SNX25: variants seen among roughly 807,000 people sequenced by gnomAD.
SNX25 encodes sorting nexin-25.
A neutral mutation model predicts 113.7 loss-of-function variants in SNX25; 62 were observed. The observed-to-expected ratio is 0.55, with a 90% CI of 0.44 to 0.67. The LOEUF (loss-of-function observed/expected upper bound fraction) is 0.67. Among genes scored for constraint, SNX25 ranks in the 30% least tolerant of loss-of-function variants. The pLI, the probability that SNX25 is intolerant of heterozygous loss-of-function variation, is 0.00. For synonymous variants in SNX25, 421 were observed against 436.2 expected, an observed-to-expected ratio of 0.97 and a Z score of 0.43; for missense variants, 1,014 against 1,161.0, an observed-to-expected ratio of 0.87 and a Z score of 1.84.
chr4:185,302,421 C>CT (rs562504213), intron 6 of SNX25, among the ~76,000 whole-genome samples: 64 of 152,260 alleles, frequency 4.2e-4, no homozygotes, highest in African/African-American at 1.5e-3. Flanking sequence ...CCTGTGGGAT[C>CT]TGGCACTGTC....
intron 3 of SNX25, among the ~76,000 whole-genome samples, chr4:185,259,607 C>T (rs576170461): frequency 1.1e-4 from 16 of 152,016 alleles, no homozygotes; most frequent in Non-Finnish European, 2.2e-4. Context: ...GACAGTTGTA[C>T]ATATTGGAGC....
chr4:185,242,309 G>T (rs73873409), intron 1 of SNX25, among the ~76,000 whole-genome samples: 6,552 of 151,968 alleles, frequency 0.043, 248 homozygotes, highest in African/African-American at 0.096. Flanking sequence ...TTCCAGCATC[G>T]TCTACCTGGA....
At chr4:185,322,029 T>C (rs1297146301) in intron 8 of SNX25, among the ~76,000 whole-genome samples, 2 of 152,190 alleles carry the variant, frequency 1.3e-5, no homozygotes, top group African/African-American at 4.8e-5. Flanking sequence ...CTTCCATAGA[T>C]CCCGAGGGGC....
intron 6 of SNX25, among the ~76,000 whole-genome samples, chr4:185,294,660 T>C (rs1419733127): frequency 6.6e-6 from 1 of 152,200 alleles, no homozygotes. Flanking sequence ...AAGTCAAATA[T>C]CAGTAAAGCT....
At chr4:185,238,396 G>C (rs1006698114) in intron 1 of SNX25, among the ~76,000 whole-genome samples, 6 of 152,028 alleles carry the variant, frequency 3.9e-5, no homozygotes, top group Non-Finnish European at 8.8e-5. Flanking sequence ...AATCATATTA[G>C]GTGTAGGTGG....
chr4:185,350,598 C>T (rs761705769), intron 13 of SNX25, among the ~76,000 whole-genome samples: 1 of 152,164 alleles, frequency 6.6e-6, no homozygotes, highest in East Asian at 1.9e-4. Context: ...CACGGTGGCT[C>T]ACGCCTGTAA....
intron 1 of SNX25, among the ~76,000 whole-genome samples, chr4:185,215,078 A>G (rs1738568547): frequency 6.6e-6 from 1 of 152,070 alleles, no homozygotes; most frequent in Non-Finnish European, 1.5e-5. Context: ...AAAATACAAA[A>G]AATTAGCCGG....
At chr4:185,350,671 G>A (rs924560101) in intron 13 of SNX25, among the ~76,000 whole-genome samples, 1 of 152,074 alleles carries the variant, frequency 6.6e-6, no homozygotes, top group African/African-American at 2.4e-5. Flanking sequence ...GATCAGCCTG[G>A]CCAATATGGT....
chr4:185,368,969 T>A (rs1246260938), downstream of SNX25, among the ~76,000 whole-genome samples: 1 of 151,794 alleles, frequency 6.6e-6, no homozygotes, highest in Non-Finnish European at 1.5e-5. Flanking sequence ...AATTTTTGTA[T>A]TTCTAGTAGA....
chr4:185,257,509 C>T (rs113368033), intron 2 of SNX25, among the ~76,000 whole-genome samples: 2,320 of 151,160 alleles, frequency 0.015, 66 homozygotes, highest in African/African-American at 0.054. Context: ...GAGCTTAGTA[C>T]GAAAAAAAGC....
chr4:185,337,168 T>A (rs2126715903), intron 10 of SNX25, among the ~76,000 whole-genome samples: 1 of 152,324 alleles, frequency 6.6e-6, no homozygotes, highest in South Asian at 2.1e-4. Flanking sequence ...TTTAGTGTTT[T>A]GCAACTGTCA....
intron 5 of SNX25, among the ~76,000 whole-genome samples, chr4:185,273,623 T>C (rs1749253244): frequency 6.6e-6 from 1 of 152,168 alleles, no homozygotes; most frequent in Non-Finnish European, 1.5e-5. Flanking sequence ...GTGTGTTAGC[T>C]CTCCAGAAGT....
intron 1 of SNX25, among the ~76,000 whole-genome samples, chr4:185,238,877 G>A (rs72708030): frequency 0.057 from 8,729 of 152,208 alleles, 308 homozygotes; most frequent in East Asian, 0.14. Flanking sequence ...TTACAGGTTG[G>A]CTGCCCTGGC....
chr4:185,215,792 CTTTT>C (rs80171477), intron 1 of SNX25, among the ~76,000 whole-genome samples: 1 of 140,524 alleles, frequency 7.1e-6, no homozygotes, highest in South Asian at 2.3e-4. Context: ...ACTTTAAATT[CTTTT>C]TTTTTTTTTT....
At chr4:185,336,599 A>G (rs2095231234) in intron 10 of SNX25, among the ~76,000 whole-genome samples, 2 of 152,242 alleles carry the variant, frequency 1.3e-5, no homozygotes, top group East Asian at 1.9e-4. Flanking sequence ...TATTTTTGCA[A>G]TTGCAAATTG....
intron 5 of SNX25, among the ~76,000 whole-genome samples, chr4:185,276,876 C>T (rs549223118): frequency 1.3e-5 from 2 of 152,262 alleles, no homozygotes; most frequent in South Asian, 4.1e-4. Context: ...TGTGCTTCTC[C>T]ACATGCTCAT....
intron 1 of SNX25, among the ~76,000 whole-genome samples, chr4:185,219,908 CT>C (rs35064352): frequency 1.9e-3 from 276 of 143,118 alleles, no homozygotes; most frequent in Middle Eastern, 3.6e-3. Flanking sequence ...AGTTGTTAAT[CT>C]TTTTTTTTTT....
chr4:185,282,046 G>A (rs1043901546), intron 5 of SNX25, among the ~76,000 whole-genome samples: 2 of 151,870 alleles, frequency 1.3e-5, no homozygotes, highest in Admixed American at 6.6e-5. Flanking sequence ...AAAATTCTTT[G>A]GTTTTTCATA....
Position 185,363,342 on chromosome 4 carries a change from G to T in SNX25, c.2935-43G>T, listed in dbSNP as rs752643932. 6.3e-7 allele frequency: 1 copy of T among 1,591,354 alleles called. No homozygotes were observed. The highest frequency in any genetic ancestry group is 8.6e-7 in the Non-Finnish European group (1 of 1,160,622). The stretch of plus-strand genomic sequence containing the variant: ...GATATTTATTTTGAATAAACCCTTG[G>T]AGAAAAACATTTTTCCACTTTTTTC... On this transcript the variant is annotated intron_variant, in intron 18 of 18. Transcript: ENST00000652585. This position sits in a 1 kb window ranked among gnomAD's most constrained non-coding sequence, Gnocchi z 4.2.
Sources: gnomAD v4.1 joint callset for allele counts (sites outside exome capture counted in the v4.1 genomes callset) on GRCh38, gnomAD v4.1.1 for gene constraint, Gnocchi (gnomAD v3.1) non-coding constraint, MANE v1.5 for transcripts, NCBI Gene and HGNC (gene_info 2026-07-23, HGNC 2026-07-21) for gene names.